TRIOBP: variants seen among roughly 807,000 people sequenced by gnomAD.
TRIOBP encodes TRIO and F-actin-binding protein.
Under a neutral mutation model 238.8 loss-of-function variants are expected in TRIOBP, and 169 were observed. That is an observed-to-expected ratio of 0.71 (90% CI 0.62 to 0.80). TRIOBP has a LOEUF of 0.80. TRIOBP is among the 30% of genes least tolerant of loss of function. The probability of loss-of-function intolerance (pLI) is 0.00; values close to 1 mark genes in which losing one functional copy is unlikely to be tolerated. For missense variants in TRIOBP, 2,838 were observed against 3,122.6 expected (o/e 0.91, Z 2.17); for synonymous variants, 1,150 against 1,274.4 (o/e 0.90, Z 2.08).
intron 7 of TRIOBP, among the ~76,000 whole-genome samples, chr22:37,729,670 A>G (rs143394100): frequency 5.9e-5 from 9 of 152,288 alleles, no homozygotes; most frequent in African/African-American, 1.9e-4. Context: ...ATATGTTTAC[A>G]CTTTTATTAA....
Position 37,738,525 on chromosome 22 carries a change from G to C in TRIOBP, c.5107-117G>C, listed in dbSNP as rs536339392. On this transcript the variant is annotated intron_variant, in intron 9 of 23. Coordinates refer to ENST00000644935, the MANE Select transcript of TRIOBP (RefSeq NM_001039141.3). The stretch of plus-strand genomic sequence containing the variant: ...TGGATGGATACATGGATCTACTGAT[G>C]CTGGACGTTAGATGGGTGTTGCATG... The C allele has an allele frequency of 3.9e-5, 37 of 940,598 alleles. No individual in the cohort carries two copies. The African/African-American group carries it at 4.7e-4, about 12-fold the overall frequency. The allele number at this position is 940,598 out of a possible 1,614,324, so 58.3% of individuals were successfully genotyped here. A position where few individuals can be genotyped will look rare whatever the true frequency, so the allele number is the denominator to read the frequency against.
At chr22:37,729,489 C>T (rs2145838337) in intron 7 of TRIOBP, among the ~76,000 whole-genome samples, 1 of 152,248 alleles carries the variant, frequency 6.6e-6, no homozygotes, top group Non-Finnish European at 1.5e-5. Flanking sequence ...GTGTCTTTGA[C>T]CTTTTTATGA....
At chr22:37,750,581 G>A (rs1925531084) in intron 11 of TRIOBP, 2 of 466,758 alleles carry the variant, frequency 4.3e-6, no homozygotes, top group South Asian at 3.1e-5. Context: ...AGAGCAGCGG[G>A]ACAAACGCAG....
intron 17 of TRIOBP, chr22:37,759,697 C>T (rs1926142420): frequency 6.6e-7 from 1 of 1,507,714 alleles, no homozygotes. Context: ...AGGAGGTCTG[C>T]AGGACAGGGG....
At position 37,741,294 on chromosome 22, in the gene TRIOBP, G is replaced by C. The variant is rs142366455; in HGVS notation, c.5322+262G>C. Among the ~76,000 whole-genome samples, 1,105 of 152,264 alleles carry C rather than the reference G, an allele frequency of 7.3e-3. 13 individuals are homozygous for C. Among genetic ancestry groups the C allele is most frequent in the African/African-American group, 0.026 (1,070 of 41,490 alleles). On this transcript the variant is annotated intron_variant, in intron 11 of 23. Transcript: ENST00000644935. ...GGGTGATGGAATAATCTACACAGCT[G>C]AAAGCTTCCAATCAGCAGCCTCTCG... is the stretch of plus-strand genomic sequence containing the variant.
chr22:37,755,227 A>C (rs1024162918), intron 14 of TRIOBP, 37 bp downstream of exon 14: 2 of 1,593,056 alleles, frequency 1.3e-6, no homozygotes, highest in Non-Finnish European at 1.7e-6. Context: ...GGTGGTGGGC[A>C]GCATGGCTGG....
intron 12 of TRIOBP, 28 bp from the exon 13 acceptor site, chr22:37,754,849 T>C: frequency 1.2e-6 from 2 of 1,608,692 alleles, no homozygotes; most frequent in Non-Finnish European, 1.7e-6. Context: ...TCACACACAC[T>C]GGCTCTTTCA....
chr22:37,739,156 G>A (rs929450756), intron 10 of TRIOBP, among the ~76,000 whole-genome samples: 6 of 152,088 alleles, frequency 3.9e-5, no homozygotes, highest in Admixed American at 6.5e-5. Flanking sequence ...TCCTGGAGGC[G>A]GGAGAGATAT....
chr22:37,705,089 A>G (rs10427576), intron 3 of TRIOBP, among the ~76,000 whole-genome samples: 3,139 of 149,638 alleles, frequency 0.021, 115 homozygotes, highest in African/African-American at 0.074. Context: ...AAAACAAACA[A>G]ACAGGTCAGG....
intron 7 of TRIOBP, among the ~76,000 whole-genome samples, chr22:37,727,616 C>G (rs550001431): frequency 6.6e-6 from 1 of 151,628 alleles, no homozygotes; most frequent in African/African-American, 2.4e-5. Context: ...TGCAGTGAGC[C>G]GAGATCGTAC....
Position 37,735,189 on chromosome 22 carries a change from C to T in TRIOBP, c.4853C>T (p.Thr1618Ile). ...GGGCCAGAGCTGGGTCCCCCAGGCA[C>T]AAACGATGTCCCTGAGCAGGAGTCA... Reference protein sequence around the residue: ...ALGPELGPPGTNDVPEQESHS... With the variant: ...ALGPELGPPGINDVPEQESHS... Residue 1618 changes from threonine (T) to isoleucine (I), a missense_variant, in exon 9 of 24, where the codon ACA (threonine) becomes ATA (isoleucine). Physicochemically the swap from Thr to Ile is moderately conservative, Grantham distance 89. Transcript: ENST00000644935. The T allele has an allele frequency of 6.2e-7, 1 of 1,609,722 alleles. No homozygotes were observed. Among genetic ancestry groups the T allele is most frequent in the Middle Eastern group, 1.7e-4 (1 of 6,058 alleles).
rs137980797 is a variant in TRIOBP, at chr22:37,758,052, C to T, written c.6127C>T (p.Arg2043Trp). The change falls in exon 16 of 24, where the codon CGG becomes TGG. Residue 2043 changes from arginine (R) to tryptophan (W), a missense_variant. Coordinates refer to ENST00000644935, the MANE Select transcript of TRIOBP (RefSeq NM_001039141.3). ...GAAGCTGCCCCTGCGGGAGAATAAGCGGGTGCCCCTCACTGCCCTGCTCAA... is the reference window on the plus strand; with the variant it reads ...GAAGCTGCCCCTGCGGGAGAATAAGTGGGTGCCCCTCACTGCCCTGCTCAA... Reference protein sequence around the residue: ...LEKLPLRENKRVPLTALLNQS... With the variant: ...LEKLPLRENKWVPLTALLNQS... 8.7e-6 allele frequency: 14 copies of T among 1,611,860 alleles called. No homozygotes were observed. The highest frequency in any genetic ancestry group is 4.5e-5 in the East Asian group (2 of 44,884).
intron 3 of TRIOBP, among the ~76,000 whole-genome samples, chr22:37,704,457 A>AGGAGGGGAAGGG (rs112038950): frequency 1.5e-5 from 2 of 137,090 alleles, no homozygotes; most frequent in South Asian, 2.2e-4. Flanking sequence ...AACAGGGAGA[A>AGGAGGGGAAGGG]GGAGGGGAAG....
In TRIOBP at chr22:37,773,935, C is replaced by CAG. The variant is rs1426251351; in HGVS notation, c.*156_*157insGA. The CAG allele has an allele frequency of 8.9e-6, 1 of 112,430 alleles. No homozygotes were observed. Among genetic ancestry groups the CAG allele is most frequent in the Non-Finnish European group, 1.6e-5 (1 of 61,274 alleles). The allele number at this position is 112,430 out of a possible 1,614,324, so 7.0% of individuals were successfully genotyped here. ...ACACACACACACACACACACACACA[C>CAG]ACAGACACACAGACACATACGCACA... On this transcript the variant is annotated 3_prime_UTR_variant, in exon 24 of 24. Coordinates refer to ENST00000644935, the MANE Select transcript of TRIOBP (RefSeq NM_001039141.3).
In TRIOBP at chr22:37,735,159, C is replaced by T. The variant is rs1019593862; in HGVS notation, c.4823C>T (p.Ala1608Val). The change falls in exon 9 of 24, where the codon GCT becomes GTT. Residue 1608 changes from alanine to valine, a missense_variant. By Grantham distance (64) the Ala-to-Val change is moderately conservative. Transcript: ENST00000644935. ...GGACACAGGGATGACCTGGCCAGGG[C>T]TTTAGGGCCAGAGCTGGGTCCCCCA... Reference protein sequence around the residue: ...PAGHRDDLARALGPELGPPGT... With the variant: ...PAGHRDDLARVLGPELGPPGT... The T allele has an allele frequency of 8.1e-6, 13 of 1,610,100 alleles. No homozygotes were observed. Among genetic ancestry groups the T allele is most frequent in the Non-Finnish European group, 1.0e-5 (12 of 1,177,554 alleles).
At chr22:37,739,403 G>A (rs1382799838) in intron 10 of TRIOBP, among the ~76,000 whole-genome samples, 1 of 148,652 alleles carries the variant, frequency 6.7e-6, no homozygotes, top group Non-Finnish European at 1.5e-5. Context: ...CCTGAAGCCA[G>A]GGGTGGCAGG....
rs758869401 is a variant in TRIOBP, at chr22:37,759,136, C to A, written c.6214-18C>A. The A allele has an allele frequency of 1.3e-6, 2 of 1,598,474 alleles. No homozygotes were observed. The highest frequency in any genetic ancestry group is 2.2e-5 in the South Asian group (2 of 89,566). ...GCCCCAGCTTCCAGGTCCCACTGAC[C>A]ACCCTTCTCCCTCGTAGGTTCAGGC... On this transcript the variant is annotated intron_variant, in intron 16 of 23. Coordinates refer to ENST00000644935, the MANE Select transcript of TRIOBP (RefSeq NM_001039141.3).
In TRIOBP at chr22:37,746,215, GAA is replaced by G. The variant is rs58335859; in HGVS notation, c.5322+5199_5322+5200del. 898 of 968,684 alleles carry G rather than the reference GAA, an allele frequency of 9.3e-4. 7 individuals are homozygous for G. In the South Asian group the frequency reaches 0.025, roughly 27 times the overall value. 60.0% of individuals were successfully genotyped at this position (968,684 alleles called of 1,614,324 possible). A position where few individuals can be genotyped will look rare whatever the true frequency, so the allele number is the denominator to read the frequency against. On this transcript the variant is annotated intron_variant, in intron 11 of 23. Coordinates refer to ENST00000644935, the MANE Select transcript of TRIOBP (RefSeq NM_001039141.3). ...CCGCTCGGGTCCTCCCAGGAAGTTT[GAA>G]AAAAAAAAAAAAAAAGTTTTATGGG...
At chr22:37,731,573 C>T (rs1232172480) in intron 7 of TRIOBP, among the ~76,000 whole-genome samples, 1 of 152,152 alleles carries the variant, frequency 6.6e-6, no homozygotes, top group Non-Finnish European at 1.5e-5. Flanking sequence ...CCTCCTGCCT[C>T]AGCCTCCTGA....
Sources: gnomAD v4.1 joint callset for allele counts (sites outside exome capture counted in the v4.1 genomes callset) on GRCh38, gnomAD v4.1.1 for gene constraint, MANE v1.5 for transcripts, NCBI Gene and HGNC (gene_info 2026-07-23, HGNC 2026-07-21) for gene names.